Variants in PIGH observed in about 807,000 individuals in gnomAD.
The protein encoded by PIGH is phosphatidylinositol glycan anchor biosynthesis class H.
A neutral mutation model predicts 20.1 loss-of-function variants in PIGH; 11 were observed. The ratio of observed to expected loss-of-function variants is 0.55; its 90% CI spans 0.34 to 0.91. The LOEUF (loss-of-function observed/expected upper bound fraction) is 0.91, where lower values mean the gene tolerates loss of function less well. Ranked by LOEUF, PIGH falls within the 40% of genes least tolerant of loss-of-function variation. The pLI is 0.02. For synonymous variants in PIGH, 72 were observed against 93.1 expected, an observed-to-expected ratio of 0.77 and a Z score of 1.31; for missense variants, 189 against 233.6, an observed-to-expected ratio of 0.81 and a Z score of 1.24.
intron 3 of PIGH, among the ~76,000 whole-genome samples, chr14:67,590,434 C>A (rs932493815): frequency 2.6e-5 from 4 of 152,050 alleles, no homozygotes; most frequent in Non-Finnish European, 5.9e-5. Context: ...TCTCGGCTCA[C>A]TGAAACCTCT....
intron 1 of PIGH, among the ~76,000 whole-genome samples, chr14:67,599,764 T>C (rs1159735214): frequency 6.6e-6 from 1 of 152,156 alleles, no homozygotes; most frequent in African/African-American, 2.4e-5. Flanking sequence ...AAGAACTAGA[T>C]GTATGCTGAG....
At position 67,598,713 on chromosome 14, in the gene PIGH, C is replaced by CT. The variant is rs10681128; in HGVS notation, c.180+1310dup. On this transcript the variant is annotated intron_variant, in intron 1 of 3. Coordinates refer to ENST00000216452, the MANE Select transcript of PIGH (RefSeq NM_004569.5). Reference sequence around the variant, plus strand: ...TCATTTTAACTGACTTATGAACAAACTTTTTTTTTTTTTTGAGACAGAGTC... The same window carrying CT: ...TCATTTTAACTGACTTATGAACAAACTTTTTTTTTTTTTTTGAGACAGAGTC... Among the ~76,000 whole-genome samples, 1,437 of 144,356 alleles carry CT rather than the reference C, an allele frequency of 1.0e-2. 37 individuals are homozygous for CT. The highest frequency in any genetic ancestry group is 0.035 in the African/African-American group (1,351 of 39,042). 94.7% of individuals were successfully genotyped at this position (144,356 alleles called of 152,430 possible). A position where few individuals can be genotyped will look rare whatever the true frequency, so the allele number is the denominator to read the frequency against.
chr14:67,596,559 C>T (rs1230379126), intron 1 of PIGH, among the ~76,000 whole-genome samples: 1 of 152,142 alleles, frequency 6.6e-6, no homozygotes, highest in Non-Finnish European at 1.5e-5. Flanking sequence ...ATTCTTTGCA[C>T]TGACAAGATG....
intron 3 of PIGH, chr14:67,592,393 T>C (rs932135237): frequency 2.0e-5 from 10 of 487,990 alleles, no homozygotes; most frequent in African/African-American, 6.0e-5. Flanking sequence ...TGAGTGGTGA[T>C]TGTCACTGCA....
intron 2 of PIGH, among the ~76,000 whole-genome samples, chr14:67,593,099 T>C (rs1382578245): frequency 6.6e-6 from 1 of 152,232 alleles, no homozygotes; most frequent in African/African-American, 2.4e-5. Flanking sequence ...ATTCTATTTT[T>C]CTAAGGGAAG....
In PIGH at chr14:67,600,254, G is replaced by C. The variant is rs12587848; in HGVS notation, c.-51C>G. The C allele has an allele frequency of 0.15, 209,983 of 1,442,662 alleles. 17,420 individuals carry two copies. Among genetic ancestry groups the C allele is most frequent in the Admixed American group, 0.32 (13,336 of 41,178 alleles). The allele number at this position is 1,442,662 out of a possible 1,614,324, so 89.4% of individuals were successfully genotyped here. The stretch of plus-strand genomic sequence containing the variant: ...CGCGCGGCGCTGCACTGCGCTCGCC[G>C]GCCCTGGCCGTCTCGCCCGCTCCAG... On this transcript the variant is annotated 5_prime_UTR_variant, in exon 1 of 4. Transcript: ENST00000216452.
At chr14:67,594,090 A>G in intron 1 of PIGH, 138 bp from the exon 2 acceptor site, 1 of 619,242 alleles carries the variant, frequency 1.6e-6, no homozygotes, top group Non-Finnish European at 2.9e-6. Flanking sequence ...ATACAGTGAA[A>G]CAGATCCAGA....
In PIGH at chr14:67,589,704, T is replaced by C. The variant is rs2036310761; in HGVS notation, c.*376A>G. On this transcript the variant is annotated 3_prime_UTR_variant, in exon 4 of 4. Coordinates refer to ENST00000216452, the MANE Select transcript of PIGH (RefSeq NM_004569.5). ...TTACACAAGGGGTACTATTGGAAAATATAGCTTTCTCAAGACATCTGATGT... is the reference window on the plus strand; with the variant it reads ...TTACACAAGGGGTACTATTGGAAAACATAGCTTTCTCAAGACATCTGATGT... 3 of 998,606 alleles carry C rather than the reference T, an allele frequency of 3.0e-6. No individual in the cohort carries two copies. Among genetic ancestry groups the C allele is most frequent in the East Asian group, 2.1e-4 (2 of 9,486 alleles). 61.9% of individuals were successfully genotyped at this position (998,606 alleles called of 1,614,324 possible).
intron 1 of PIGH, among the ~76,000 whole-genome samples, chr14:67,598,838 T>C (rs2036521276): frequency 6.6e-6 from 1 of 151,654 alleles, no homozygotes; most frequent in South Asian, 2.1e-4. Context: ...GCCTTCCGAG[T>C]GGCTGAGACT....
chr14:67,593,893 G>A lies in PIGH; in HGVS notation c.240C>T (p.Leu80=), dbSNP rs189397022. ...TCTCCTGATCAATCTTCACAAAATG[G>A]AGATAACCAAGCAGACCTAAGAGGG... is the stretch of plus-strand genomic sequence containing the variant. ...FITLLGLLGY[L]HFVKIDQETL... is the part of the protein sequence containing the mutation. The change falls in exon 2 of 4, where the codon CTC becomes CTT. Residue 80 remains leucine (L), a synonymous_variant. Coordinates refer to ENST00000216452, the MANE Select transcript of PIGH (RefSeq NM_004569.5). 2 of 1,613,574 alleles carry A rather than the reference G, an allele frequency of 1.2e-6. No individual in the cohort carries two copies. The highest frequency in any genetic ancestry group is 1.7e-5 in the Admixed American group (1 of 60,004).
Position 67,593,723 on chromosome 14 carries a change from C to T in PIGH, c.390+20G>A, listed in dbSNP as rs766334566. 6.6e-7 allele frequency: 1 copy of T among 1,523,382 alleles called. No homozygotes were observed. The highest frequency in any genetic ancestry group is 1.1e-5 in the South Asian group (1 of 89,150). 94.4% of individuals were successfully genotyped at this position (1,523,382 alleles called of 1,614,324 possible). A position where few individuals can be genotyped will look rare whatever the true frequency, so the allele number is the denominator to read the frequency against. On this transcript the variant is annotated intron_variant, in intron 2 of 3. Coordinates refer to ENST00000216452, the MANE Select transcript of PIGH (RefSeq NM_004569.5). ...ACCTCCTCCAGAGAGGCCTGTAATA[C>T]TTACCTTTTAAATACTTACCATGTA...
At chr14:67,597,684 T>C (rs538723450) in intron 1 of PIGH, among the ~76,000 whole-genome samples, 1 of 151,916 alleles carries the variant, frequency 6.6e-6, no homozygotes, top group Non-Finnish European at 1.5e-5. Flanking sequence ...TATAGATGTA[T>C]TAAAGGCAAG....
At chr14:67,599,035 T>A (rs1274714270) in intron 1 of PIGH, among the ~76,000 whole-genome samples, 1 of 152,186 alleles carries the variant, frequency 6.6e-6, no homozygotes, top group South Asian at 2.1e-4. Context: ...TTTAGATAGT[T>A]AGATAGTTTC....
chr14:67,597,749 A>G (rs2036500322), intron 1 of PIGH, among the ~76,000 whole-genome samples: 1 of 123,756 alleles, frequency 8.1e-6, no homozygotes, highest in African/African-American at 2.9e-5. Flanking sequence ...ATAAGTGCCA[A>G]AAGAAAAGTT....
Position 67,594,842 on chromosome 14 carries a change from T to C in PIGH, c.181-890A>G, listed in dbSNP as rs148935367. ...CATCAGAGCTTAGCCTAGCCTACCT[T>C]AAACGTGCTCAGAACACTTACATTA... On this transcript the variant is annotated intron_variant, in intron 1 of 3. Coordinates refer to ENST00000216452, the MANE Select transcript of PIGH (RefSeq NM_004569.5). Among the ~76,000 whole-genome samples, 426 of 152,232 alleles carry C rather than the reference T, an allele frequency of 2.8e-3. 2 individuals are homozygous for C. Among genetic ancestry groups the C allele is most frequent in the African/African-American group, 9.5e-3 (394 of 41,538 alleles).
At chr14:67,595,407 C>G (rs1431996149) in intron 1 of PIGH, among the ~76,000 whole-genome samples, 1 of 152,206 alleles carries the variant, frequency 6.6e-6, no homozygotes, top group Non-Finnish European at 1.5e-5. Context: ...TGGGAACCAT[C>G]TGTATATAGT....
intron 3 of PIGH, among the ~76,000 whole-genome samples, chr14:67,591,062 T>G (rs1047722769): frequency 6.6e-6 from 1 of 152,120 alleles, no homozygotes; most frequent in South Asian, 2.1e-4. Flanking sequence ...GTGCACTACC[T>G]AAAATATATA....
Position 67,589,969 on chromosome 14 carries a change from A to G in PIGH, c.*111T>C, listed in dbSNP as rs1168408116. ...GGCTCTAAGATGCACTACATCCATAATGGTTCCTAGGACTGTGTCCACCTG... is the reference window on the plus strand; with the variant it reads ...GGCTCTAAGATGCACTACATCCATAGTGGTTCCTAGGACTGTGTCCACCTG... On this transcript the variant is annotated 3_prime_UTR_variant, in exon 4 of 4. Coordinates refer to ENST00000216452, the MANE Select transcript of PIGH (RefSeq NM_004569.5). 1 of 1,385,090 alleles carries G rather than the reference A, an allele frequency of 7.2e-7. No individual in the cohort carries two copies. The highest frequency in any genetic ancestry group is 9.4e-7 in the Non-Finnish European group (1 of 1,065,110). 85.8% of individuals were successfully genotyped at this position (1,385,090 alleles called of 1,614,324 possible).
intron 1 of PIGH, 74 bp from the exon 2 acceptor site, chr14:67,594,026 T>G (rs911691284): frequency 3.2e-6 from 3 of 945,540 alleles, no homozygotes; most frequent in Admixed American, 4.2e-5. Flanking sequence ...GAGGGGAACA[T>G]GCATGGAGGA....
Sources: allele counts gnomAD v4.1 joint callset (sites outside exome capture counted in the v4.1 genomes callset), GRCh38; gene constraint gnomAD v4.1.1; transcripts MANE v1.5; gene names NCBI Gene and HGNC (gene_info 2026-07-23, HGNC 2026-07-21).